INPP4B: variants seen among roughly 807,000 people sequenced by gnomAD.
INPP4B encodes inositol polyphosphate-4-phosphatase type II B.
Under a neutral mutation model 122.5 loss-of-function variants are expected in INPP4B, and 55 were observed. The observed-to-expected ratio is 0.45, with a 90% CI of 0.36 to 0.56. The LOEUF is 0.56. INPP4B is among the 20% of genes least tolerant of loss of function. The pLI, the probability that INPP4B is intolerant of heterozygous loss-of-function variation, is 0.00. For synonymous variants in INPP4B, 403 were observed against 388.7 expected, an observed-to-expected ratio of 1.04 and a Z score of -0.43; for missense variants, 1,000 against 1,097.7, an observed-to-expected ratio of 0.91 and a Z score of 1.26.
chr4:142,246,014 A>G lies in INPP4B; in HGVS notation c.689-8003T>C, dbSNP rs963460991. ...CATATATATGTGTATGTATACACACATGTGTGTATGTACACACACGTGTGT... is the reference window on the plus strand; with the variant it reads ...CATATATATGTGTATGTATACACACGTGTGTGTATGTACACACACGTGTGT... On this transcript the variant is annotated intron_variant, in intron 11 of 25. Coordinates refer to ENST00000262992, the MANE Select transcript of INPP4B (RefSeq NM_001101669.3). 1.8e-3 allele frequency among the ~76,000 whole-genome samples: 249 copies of G among 140,990 alleles called. 26 individuals carry two copies. Among genetic ancestry groups the G allele is most frequent in the African/African-American group, 6.6e-3 (238 of 36,178 alleles). The allele number at this position is 140,990 out of a possible 152,430, so 92.5% of individuals were successfully genotyped here. A position where few individuals can be genotyped will look rare whatever the true frequency, so the allele number is the denominator to read the frequency against.
chr4:142,500,152 G>C (rs565580722), intron 2 of INPP4B, among the ~76,000 whole-genome samples: 15 of 152,232 alleles, frequency 9.9e-5, no homozygotes, highest in African/African-American at 3.4e-4. Context: ...CTCTCTAGAG[G>C]GAAGAGCTTG....
intron 12 of INPP4B, among the ~76,000 whole-genome samples, chr4:142,220,220 T>C (rs2149689752): frequency 6.6e-6 from 1 of 152,276 alleles, no homozygotes; most frequent in East Asian, 1.9e-4. Flanking sequence ...GTACAGTTTC[T>C]CCTATGAAAG....
At chr4:142,387,011 C>CT (rs1199594942) in intron 7 of INPP4B, among the ~76,000 whole-genome samples, 1 of 152,108 alleles carries the variant, frequency 6.6e-6, no homozygotes, top group Non-Finnish European at 1.5e-5. Flanking sequence ...TTTGAGCTCT[C>CT]TGAGTTTCTT....
intron 2 of INPP4B, among the ~76,000 whole-genome samples, chr4:142,717,389 A>C (rs1375461488): frequency 6.6e-6 from 1 of 152,208 alleles, no homozygotes; most frequent in East Asian, 1.9e-4. Flanking sequence ...TTGCAGAAGA[A>C]GGCAATATTA....
At chr4:142,049,301 G>C (rs1311825739) in intron 25 of INPP4B, among the ~76,000 whole-genome samples, 1 of 151,886 alleles carries the variant, frequency 6.6e-6, no homozygotes, top group African/African-American at 2.4e-5. Context: ...AAAGTTTGTT[G>C]GTTTTGTTCT....
At position 142,260,564 on chromosome 4, in the gene INPP4B, A is replaced by G. The variant is rs1739417679; in HGVS notation, c.616T>C (p.Cys206Arg). The change falls in exon 11 of 26, where the codon TGT becomes CGT. Residue 206 changes from cysteine (C) to arginine (R), a missense_variant and splice_region_variant. Coordinates refer to ENST00000262992, the MANE Select transcript of INPP4B (RefSeq NM_001101669.3). Reference sequence around the variant, plus strand: ...GCTGTACATTCACATACCAGGGCACACTAGGAAAAAATGTAAAAAAAAAAA... The same window carrying G: ...GCTGTACATTCACATACCAGGGCACGCTAGGAAAAAATGTAAAAAAAAAAA... ...HITTDVQGQK[C>R]ALVCECTAPE... is the part of the protein sequence containing the mutation. 1.3e-6 allele frequency: 2 copies of G among 1,554,630 alleles called. No homozygotes were observed. Among genetic ancestry groups the G allele is most frequent in the Non-Finnish European group, 8.7e-7 (1 of 1,152,992 alleles).
intron 2 of INPP4B, among the ~76,000 whole-genome samples, chr4:142,580,359 T>C (rs1734813618): frequency 1.3e-5 from 2 of 151,982 alleles, no homozygotes; most frequent in African/African-American, 4.8e-5. Flanking sequence ...TCAGCAAATA[T>C]TAGCAGTCTT....
intron 1 of INPP4B, among the ~76,000 whole-genome samples, chr4:142,734,124 T>C (rs945901163): frequency 3.3e-5 from 5 of 152,118 alleles, no homozygotes; most frequent in Admixed American, 6.6e-5. Flanking sequence ...TTAAATTAGG[T>C]CTTTAGAGTG....
chr4:142,611,905 G>C (rs1370244664), intron 2 of INPP4B, among the ~76,000 whole-genome samples: 2 of 152,116 alleles, frequency 1.3e-5, no homozygotes, highest in Non-Finnish European at 2.9e-5. Flanking sequence ...CTGACCTCAG[G>C]TGATCCACCA....
intron 9 of INPP4B, among the ~76,000 whole-genome samples, chr4:142,291,755 C>A (rs914316469): frequency 6.6e-6 from 1 of 151,944 alleles, no homozygotes; most frequent in Non-Finnish European, 1.5e-5. Flanking sequence ...GAGGAATGGA[C>A]CTATAAGGTA....
intron 16 of INPP4B, among the ~76,000 whole-genome samples, chr4:142,163,271 T>G (rs531679725): frequency 6.6e-6 from 1 of 151,988 alleles, no homozygotes; most frequent in South Asian, 2.1e-4. Flanking sequence ...CTGTTCTGAG[T>G]CAAGTGATGA....
rs1345451681 is a variant in INPP4B at position 142,305,503 on chromosome 4, C to T, written c.458G>A (p.Gly153Glu). 1 of 1,612,928 alleles carries T rather than the reference C, an allele frequency of 6.2e-7. No individual in the cohort carries two copies. The highest frequency in any genetic ancestry group is 2.2e-5 in the East Asian group (1 of 44,850). ...SFLGYASFKV[G>E]ELLKSKEQLL... ...TTGCTCCTTTGACTTCAGCAGCTCT[C>T]CCACTTTAAAACTGGCATAGCCCAA... Residue 153 changes from glycine (G) to glutamate (E), a missense_variant, in exon 9 of 26, where the codon GGA (glycine) becomes GAA (glutamate). Physicochemically the swap from Gly to Glu is moderately conservative, Grantham distance 98. Transcript: ENST00000262992.
At chr4:142,789,341 C>A (rs1257538369) in intron 1 of INPP4B, among the ~76,000 whole-genome samples, 1 of 152,110 alleles carries the variant, frequency 6.6e-6, no homozygotes, top group African/African-American at 2.4e-5. Flanking sequence ...ACCATAAACA[C>A]TCCTCCAGAA....
chr4:142,323,814 C>T (rs548257818), intron 7 of INPP4B, among the ~76,000 whole-genome samples: 3 of 151,752 alleles, frequency 2.0e-5, no homozygotes, highest in Admixed American at 6.6e-5. Flanking sequence ...CAGACAGGTG[C>T]CCCCTTTTTA....
intron 1 of INPP4B, among the ~76,000 whole-genome samples, chr4:142,773,849 G>A (rs569795182): frequency 6.6e-6 from 1 of 151,316 alleles, no homozygotes; most frequent in African/African-American, 2.5e-5. Flanking sequence ...AATTGATCTA[G>A]ATTTTTGGAG....
intron 1 of INPP4B, among the ~76,000 whole-genome samples, chr4:142,727,079 G>A (rs1176002317): frequency 6.6e-6 from 1 of 152,070 alleles, no homozygotes; most frequent in African/African-American, 2.4e-5. Flanking sequence ...ATATCATACT[G>A]GACATTACCT....
intron 2 of INPP4B, among the ~76,000 whole-genome samples, chr4:142,553,503 G>A (rs1166582662): frequency 6.6e-6 from 1 of 152,150 alleles, no homozygotes; most frequent in Non-Finnish European, 1.5e-5. Context: ...CAAGCCAAAG[G>A]GCTAGAGAAT....
At chr4:142,124,535 G>A (rs1202303157) in intron 19 of INPP4B, 53 bp downstream of exon 19, 1 of 1,466,672 alleles carries the variant, frequency 6.8e-7, no homozygotes, top group Admixed American at 1.7e-5. Context: ...ATCAAGGATA[G>A]GATGTTAACA....
chr4:142,061,881 CACACATATATATATATATATATATAT>C (rs1229975063), intron 25 of INPP4B, among the ~76,000 whole-genome samples: 20 of 8,100 alleles, frequency 2.5e-3, no homozygotes, highest in African/African-American at 4.3e-3. Flanking sequence ...CACACACACA[CACACATATATATATATATATATATAT>C]ATATATATAT....
Sources: allele counts gnomAD v4.1 joint callset (sites outside exome capture counted in the v4.1 genomes callset), GRCh38; gene constraint gnomAD v4.1.1; transcripts MANE v1.5; gene names NCBI Gene and HGNC (gene_info 2026-07-23, HGNC 2026-07-21).